LDAH: variants seen among roughly 807,000 people sequenced by gnomAD.
The protein encoded by LDAH is lipid droplet associated hydrolase, also known as lipid droplet-associated hydrolase.
In LDAH, 26 loss-of-function variants were observed where a neutral mutation model predicts 29.6. The ratio of observed to expected loss-of-function variants is 0.88; its 90% CI spans 0.64 to 1.22. The LOEUF (loss-of-function observed/expected upper bound fraction) is 1.22, where lower values mean the gene tolerates loss of function less well. Among genes scored for constraint, LDAH ranks in the 50% most tolerant of loss-of-function variants. LDAH has a pLI of 0.00. For missense variants in LDAH, 344 were observed against 387.3 expected (o/e 0.89, Z 0.94); for synonymous variants, 117 against 133.0 (o/e 0.88, Z 0.83).
intron 2 of LDAH, among the ~76,000 whole-genome samples, chr2:20,799,532 A>G (rs1350730200): frequency 6.6e-6 from 1 of 152,174 alleles, no homozygotes; most frequent in Non-Finnish European, 1.5e-5. Context: ...ATACCAATAC[A>G]ATACACTACT....
At chr2:20,781,827 T>C (rs561144516) in intron 3 of LDAH, among the ~76,000 whole-genome samples, 79 of 152,222 alleles carry the variant, frequency 5.2e-4, no homozygotes, top group Non-Finnish European at 1.1e-3. Flanking sequence ...ACAGCTTCCT[T>C]TGGCGCTATG....
intron 5 of LDAH, among the ~76,000 whole-genome samples, chr2:20,704,369 T>C (rs750254964): frequency 1.3e-5 from 2 of 152,230 alleles, no homozygotes; most frequent in Admixed American, 6.5e-5. Context: ...AAATCAGAAC[T>C]GTCTTTGTTT....
At chr2:20,731,047 C>T (rs989244601) in intron 5 of LDAH, among the ~76,000 whole-genome samples, 1 of 152,188 alleles carries the variant, frequency 6.6e-6, no homozygotes, top group Non-Finnish European at 1.5e-5. Context: ...TTTCCAAATA[C>T]ATTTTAGAAT....
chr2:20,720,212 C>T (rs1665551453), intron 5 of LDAH, among the ~76,000 whole-genome samples: 1 of 151,858 alleles, frequency 6.6e-6, no homozygotes, highest in African/African-American at 2.4e-5. Context: ...TTAGTAAAAC[C>T]TAAAGACTCC....
intron 5 of LDAH, among the ~76,000 whole-genome samples, chr2:20,725,339 T>C (rs1665936626): frequency 6.6e-6 from 1 of 152,202 alleles, no homozygotes; most frequent in Non-Finnish European, 1.5e-5. Context: ...AGATGAGCTC[T>C]ACTGTGGATG....
intron 1 of LDAH, among the ~76,000 whole-genome samples, chr2:20,808,043 G>A: frequency 6.6e-6 from 1 of 151,100 alleles, no homozygotes. Context: ...CTACATACCA[G>A]CAACAAACAA....
intron 2 of LDAH, among the ~76,000 whole-genome samples, chr2:20,801,079 G>T (rs1257585754): frequency 1.4e-5 from 2 of 146,326 alleles, no homozygotes; most frequent in African/African-American, 5.5e-5. Flanking sequence ...ACTTCCAACT[G>T]TGACACAAAC....
chr2:20,728,722 A>C (rs564498005), intron 5 of LDAH, among the ~76,000 whole-genome samples: 1 of 152,260 alleles, frequency 6.6e-6, no homozygotes, highest in African/African-American at 2.4e-5. Context: ...CAAGCAGGGA[A>C]TGAACCAATA....
downstream of LDAH, chr2:20,683,991 G>C (rs1266842984): frequency 6.6e-6 from 1 of 152,190 alleles, no homozygotes; most frequent in Non-Finnish European, 1.5e-5. Flanking sequence ...AGCCTTTTTG[G>C]AAAAGAAGCA....
chr2:20,687,401 T>A (rs919607720), intron 6 of LDAH, among the ~76,000 whole-genome samples: 1 of 152,226 alleles, frequency 6.6e-6, no homozygotes, highest in African/African-American at 2.4e-5. Context: ...GACACTGGAA[T>A]GAAGGCCGGT....
chr2:20,708,021 T>A (rs570905389), intron 5 of LDAH, among the ~76,000 whole-genome samples: 9 of 152,262 alleles, frequency 5.9e-5, no homozygotes, highest in African/African-American at 2.2e-4. Flanking sequence ...CTGTCCCCCA[T>A]CACCCTCAGA....
chr2:20,776,632 T>C (rs1480550188), intron 3 of LDAH, among the ~76,000 whole-genome samples: 1 of 152,122 alleles, frequency 6.6e-6, no homozygotes, highest in African/African-American at 2.4e-5. Context: ...TGAAACAGAA[T>C]TGGGAAGAGA....
At chr2:20,779,553 T>C (rs986184170) in intron 3 of LDAH, among the ~76,000 whole-genome samples, 12 of 150,402 alleles carry the variant, frequency 8.0e-5, no homozygotes, top group African/African-American at 3.0e-4. Flanking sequence ...ATGCTATACA[T>C]ATATATAAAT....
At chr2:20,733,764 C>A (rs982981837) in intron 5 of LDAH, among the ~76,000 whole-genome samples, 1 of 152,012 alleles carries the variant, frequency 6.6e-6, no homozygotes, top group Admixed American at 6.6e-5. Flanking sequence ...GTCTAGAACT[C>A]CTGGGCTCAA....
chr2:20,744,150 G>C (rs1011089656), intron 4 of LDAH, among the ~76,000 whole-genome samples: 1 of 150,890 alleles, frequency 6.6e-6, no homozygotes, highest in African/African-American at 2.4e-5. Flanking sequence ...AATCATAGTG[G>C]ATTTAAATTC....
intron 4 of LDAH, among the ~76,000 whole-genome samples, chr2:20,774,072 A>C (rs1255923093): frequency 6.6e-6 from 1 of 152,224 alleles, no homozygotes; most frequent in Non-Finnish European, 1.5e-5. Flanking sequence ...AAAGGGCTTA[A>C]TATATGTTTG....
chr2:20,709,825 A>C (rs1664579290), intron 5 of LDAH, among the ~76,000 whole-genome samples: 1 of 152,208 alleles, frequency 6.6e-6, no homozygotes, highest in Admixed American at 6.5e-5. Context: ...AATAAAAAGT[A>C]ATGAAGCACT....
intron 5 of LDAH, among the ~76,000 whole-genome samples, chr2:20,710,635 GATATATAGTATACATATATATACAC>G (rs1664667909): frequency 8.2e-6 from 1 of 121,872 alleles, no homozygotes; most frequent in African/African-American, 3.1e-5. Context: ...TATATATATA[GATATATAGTATACATATATATACAC>G]ATATATATTA....
rs1422910004 is a variant in LDAH, at chr2:20,809,230, A to T, written c.-2-7765T>A. 2.1e-5 allele frequency among the ~76,000 whole-genome samples: 3 copies of T among 145,206 alleles called. No homozygotes were observed. The East Asian group carries it at 5.8e-4, about 28-fold the overall frequency. On this transcript the variant is annotated intron_variant, in intron 1 of 6. Transcript: ENST00000237822. ...CATCGTGAAACCCCATCTCTACTAG[A>T]AATACAAAAAAAAAAAAAATTAGCT...
Sources: gnomAD v4.1 joint callset for allele counts (sites outside exome capture counted in the v4.1 genomes callset) on GRCh38, gnomAD v4.1.1 for gene constraint, MANE v1.5 for transcripts, NCBI Gene and HGNC (gene_info 2026-07-23, HGNC 2026-07-21) for gene names.